The following PLEKHA5 variants were observed in gnomAD, a reference collection of about 807,000 sequenced individuals.
PLEKHA5 encodes the protein pleckstrin homology domain-containing family A member 5.
PLEKHA5 carries 55 observed loss-of-function variants against 181.9 expected under a neutral mutation model. That is an observed-to-expected ratio of 0.30 (90% CI 0.24 to 0.38). PLEKHA5 has a LOEUF of 0.38. Ranked by LOEUF, PLEKHA5 falls within the 10% of genes least tolerant of loss-of-function variation. PLEKHA5 has a pLI of 1.00. For missense variants in PLEKHA5, 1,432 were observed against 1,549.5 expected (o/e 0.92, Z 1.27); for synonymous variants, 535 against 529.4 (o/e 1.01, Z -0.15).
At chr12:19,266,016 G>A (rs1400668303) in intron 8 of PLEKHA5, among the ~76,000 whole-genome samples, 166 bp downstream of exon 8, 1 of 151,998 alleles carries the variant, frequency 6.6e-6, no homozygotes, top group African/African-American at 2.4e-5. Context: ...CCTCTAATTA[G>A]GAAGCACGTG....
intron 3 of PLEKHA5, chr12:19,153,654 G>C (rs1485543715): frequency 1.3e-5 from 2 of 152,114 alleles, no homozygotes; most frequent in African/African-American, 4.8e-5. Flanking sequence ...TCTTGGTGTT[G>C]TGTGTTCATT....
chr12:19,234,947 G>T (rs2061190940), intron 3 of PLEKHA5, among the ~76,000 whole-genome samples: 1 of 152,040 alleles, frequency 6.6e-6, no homozygotes, highest in Admixed American at 6.6e-5. Context: ...GTTTTTTAAA[G>T]GGGGCTGTCG....
rs78046602 is a variant in PLEKHA5, at chr12:19,344,066, A to T, written c.2662+632A>T. On this transcript the variant is annotated intron_variant, in intron 22 of 31. Coordinates refer to ENST00000429027, the MANE Select transcript of PLEKHA5 (RefSeq NM_001256470.2). Reference sequence around the variant, plus strand: ...AACTGTCCCAAAAAAAAAAAAAAAAATTTTCTCAGCTGCATTATAATCTTA... The same window carrying T: ...AACTGTCCCAAAAAAAAAAAAAAAATTTTTCTCAGCTGCATTATAATCTTA... Among the ~76,000 whole-genome samples the T allele has an allele frequency of 2.7e-3, 392 of 145,116 alleles. 2 individuals are homozygous for T. The highest frequency in any genetic ancestry group is 4.3e-3 in the Non-Finnish European group (283 of 66,456).
intron 3 of PLEKHA5, among the ~76,000 whole-genome samples, chr12:19,253,330 G>A (rs1013562143): frequency 2.0e-5 from 3 of 150,958 alleles, no homozygotes; most frequent in East Asian, 2.0e-4. Flanking sequence ...CTTCCTTGGC[G>A]CTCCAAAATG....
chr12:19,244,576 A>G (rs913893004), intron 3 of PLEKHA5, among the ~76,000 whole-genome samples: 1 of 152,250 alleles, frequency 6.6e-6, no homozygotes, highest in African/African-American at 2.4e-5. Flanking sequence ...CAGCTGCCAA[A>G]CCACTATGCT....
At chr12:19,295,814 A>G (rs1476962977) in intron 15 of PLEKHA5, among the ~76,000 whole-genome samples, 1 of 152,192 alleles carries the variant, frequency 6.6e-6, no homozygotes, top group Non-Finnish European at 1.5e-5. Context: ...TTTTCATAGT[A>G]TCCCTGGTGG....
At position 19,227,286 on chromosome 12, in the gene PLEKHA5, C is replaced by CT. The variant is rs79530115; in HGVS notation, c.228-26637dup. Among the ~76,000 whole-genome samples, 1,133 of 131,378 alleles carry CT rather than the reference C, an allele frequency of 8.6e-3. 12 individuals are homozygous for CT. The highest frequency in any genetic ancestry group is 0.044 in the East Asian group (201 of 4,614). 86.2% of individuals were successfully genotyped at this position (131,378 alleles called of 152,430 possible). A position where few individuals can be genotyped will look rare whatever the true frequency, so the allele number is the denominator to read the frequency against. ...AATCCCAATTTTGTTCTAGTGATTT[C>CT]TTTTTTTTTTTTTTTTTCCCTCATG... On this transcript the variant is annotated intron_variant, in intron 3 of 31. Transcript: ENST00000429027.
chr12:19,274,888 G>A lies in PLEKHA5; in HGVS notation c.1218G>A (p.Glu406=), dbSNP rs2074067645. The A allele has an allele frequency of 1.2e-6, 2 of 1,613,870 alleles. No individual in the cohort carries two copies. Among genetic ancestry groups the A allele is most frequent in the South Asian group, 1.1e-5 (1 of 91,078 alleles). Residue 406 remains glutamate (E), a synonymous_variant, in exon 11 of 32, where the codon GAG becomes GAA. Coordinates refer to ENST00000429027, the MANE Select transcript of PLEKHA5 (RefSeq NM_001256470.2). ...CCAATACAGGGCCCTTATACACAGA[G>A]GCCGATCGAGTCATACAGAGAACAA... ...NRPNTGPLYT[E]ADRVIQRTNS... is the part of the protein sequence containing the mutation.
chr12:19,280,036 GTTTTTTTTTTTTTTTTTT>G (rs869050795), intron 11 of PLEKHA5, among the ~76,000 whole-genome samples: 6 of 54,492 alleles, frequency 1.1e-4, no homozygotes, highest in African/African-American at 4.1e-4. Flanking sequence ...AATGAAACCT[GTTTTTTTTTTTTTTTTTT>G]TTTTTTTTTT....
intron 3 of PLEKHA5, chr12:19,237,066 T>C (rs986305283): frequency 6.6e-6 from 1 of 152,214 alleles, no homozygotes; most frequent in African/African-American, 2.4e-5. Flanking sequence ...AATGTATTAA[T>C]AATAAATAGC....
chr12:19,307,100 G>A (rs772552655), intron 15 of PLEKHA5: 71 of 1,053,848 alleles, frequency 6.7e-5, no homozygotes, highest in Non-Finnish European at 1.0e-4. Flanking sequence ...AAGCTTATGA[G>A]CACTGTTGGT....
intron 18 of PLEKHA5, 131 bp downstream of exon 18, chr12:19,320,755 ATGTG>A: frequency 2.0e-6 from 1 of 511,944 alleles, no homozygotes; most frequent in Non-Finnish European, 3.5e-6. Context: ...TTCATATTTT[ATGTG>A]TGTGCTCTAA....
intron 20 of PLEKHA5, among the ~76,000 whole-genome samples, chr12:19,326,146 T>A (rs1452534825): frequency 1.3e-5 from 2 of 152,236 alleles, no homozygotes; most frequent in African/African-American, 2.4e-5. Flanking sequence ...CCTTCAACAA[T>A]AATCAGTGGT....
At chr12:19,336,753 A>G (rs1416436198) in intron 21 of PLEKHA5, 137 bp downstream of exon 21, 1 of 578,236 alleles carries the variant, frequency 1.7e-6, no homozygotes, top group Non-Finnish European at 3.0e-6. Flanking sequence ...AATACTTTTA[A>G]TGACAGGAAT....
At chr12:19,203,230 G>C (rs1226192284) in intron 3 of PLEKHA5, among the ~76,000 whole-genome samples, 1 of 151,916 alleles carries the variant, frequency 6.6e-6, no homozygotes, top group Non-Finnish European at 1.5e-5. Flanking sequence ...GTACTATGCC[G>C]GTGTGACTGG....
At chr12:19,206,989 C>T (rs894394871) in intron 3 of PLEKHA5, among the ~76,000 whole-genome samples, 6 of 152,108 alleles carry the variant, frequency 3.9e-5, no homozygotes, top group African/African-American at 1.4e-4. Flanking sequence ...AAGTCATTCG[C>T]TAATAGCCAT....
intron 26 of PLEKHA5, among the ~76,000 whole-genome samples, chr12:19,357,262 T>TC (rs932961357): frequency 1.3e-5 from 2 of 149,934 alleles, no homozygotes; most frequent in African/African-American, 4.9e-5. Flanking sequence ...TTCTTTTTTT[T>TC]TTTTTTTTTT....
chr12:19,213,757 T>A (rs1399902803), intron 3 of PLEKHA5, among the ~76,000 whole-genome samples: 1 of 152,004 alleles, frequency 6.6e-6, no homozygotes, highest in East Asian at 1.9e-4. Context: ...GAATGTTAGG[T>A]TTGATGAACT....
At chr12:19,184,826 G>A (rs1010715014) in intron 3 of PLEKHA5, among the ~76,000 whole-genome samples, 1 of 152,112 alleles carries the variant, frequency 6.6e-6, no homozygotes, top group African/African-American at 2.4e-5. Context: ...TGATAAGATA[G>A]AAAAAGAGGA....
Sources: gnomAD v4.1 joint callset for allele counts (sites outside exome capture counted in the v4.1 genomes callset) on GRCh38, gnomAD v4.1.1 for gene constraint, MANE v1.5 for transcripts, NCBI Gene and HGNC (gene_info 2026-07-23, HGNC 2026-07-21) for gene names.